The following ARHGAP28 variants were observed in gnomAD, a reference collection of about 807,000 sequenced individuals.
ARHGAP28 encodes Rho GTPase activating protein 28.
ARHGAP28 carries 56 observed loss-of-function variants against 90.7 expected under a neutral mutation model. The observed-to-expected ratio is 0.62, with a 90% CI of 0.50 to 0.77. The LOEUF (loss-of-function observed/expected upper bound fraction) is 0.77, where lower values mean the gene tolerates loss of function less well. Among genes scored for constraint, ARHGAP28 ranks in the 30% least tolerant of loss-of-function variants. The pLI is 0.00. For missense variants in ARHGAP28, 869 were observed against 900.9 expected, an observed-to-expected ratio of 0.96 and a Z score of 0.45; for synonymous variants, 308 against 323.3, an observed-to-expected ratio of 0.95 and a Z score of 0.51.
intron 11 of ARHGAP28, among the ~76,000 whole-genome samples, chr18:6,884,064 A>G (rs912822798): frequency 2.0e-5 from 3 of 152,110 alleles, no homozygotes; most frequent in Non-Finnish European, 4.4e-5. Flanking sequence ...GAGCACAGGT[A>G]CAATAGCTGC....
intron 14 of ARHGAP28, among the ~76,000 whole-genome samples, chr18:6,892,923 C>T (rs2057277447): frequency 6.6e-6 from 1 of 152,204 alleles, no homozygotes; most frequent in South Asian, 2.1e-4. Flanking sequence ...TTGCACAGAA[C>T]CTGAGGATCA....
chr18:6,814,949 T>C (rs1046384508), intron 1 of ARHGAP28, among the ~76,000 whole-genome samples: 57 of 152,280 alleles, frequency 3.7e-4, no homozygotes, highest in African/African-American at 1.3e-3. Context: ...TTTGCTCATA[T>C]TCTCTTTCAT....
At chr18:6,887,354 C>T (rs2057230108) in intron 12 of ARHGAP28, 115 bp downstream of exon 12, 1 of 857,438 alleles carries the variant, frequency 1.2e-6, no homozygotes, top group African/African-American at 1.7e-5. Flanking sequence ...GAGCATGCTG[C>T]AAACACACGG....
At chr18:6,890,328 G>A in intron 13 of ARHGAP28, 102 bp from the exon 14 acceptor site, 1 of 791,720 alleles carries the variant, frequency 1.3e-6, no homozygotes, top group Middle Eastern at 2.4e-4. Flanking sequence ...CTGGCTCCAG[G>A]ATACCGAGTG....
intron 1 of ARHGAP28, among the ~76,000 whole-genome samples, chr18:6,758,736 C>T (rs1184953134): frequency 6.6e-6 from 1 of 152,170 alleles, no homozygotes. Flanking sequence ...TGTAGGTAGA[C>T]AGACCTGAAA....
At chr18:6,849,252 CAA>C (rs35080791) in intron 3 of ARHGAP28, among the ~76,000 whole-genome samples, 18,033 of 88,480 alleles carry the variant, frequency 0.2, 2,163 homozygotes, top group East Asian at 0.57. Context: ...GACCTTGTCT[CAA>C]AAAAAAAAAA....
chr18:6,847,630 G>GTTGT (rs113144982), intron 3 of ARHGAP28, among the ~76,000 whole-genome samples: 5 of 150,298 alleles, frequency 3.3e-5, no homozygotes, highest in African/African-American at 4.9e-5. Flanking sequence ...AGAGAGTGGG[G>GTTGT]GTGTGTGTGT....
intron 1 of ARHGAP28, among the ~76,000 whole-genome samples, chr18:6,775,675 G>A (rs1008506952): frequency 4.6e-5 from 7 of 152,046 alleles, no homozygotes; most frequent in Admixed American, 3.3e-4. Flanking sequence ...TTACTAAATA[G>A]GGAGACTTTC....
chr18:6,730,221 G>GTGTATATATATATATATATATATA (rs146889070), intron 1 of ARHGAP28: 4 of 172,250 alleles, frequency 2.3e-5, no homozygotes, highest in African/African-American at 5.8e-5. Flanking sequence ...TAAGTCATGT[G>GTGTATATATATATATATATATATA]TATATATATA....
chr18:6,731,641 G>A (rs1244466984), intron 1 of ARHGAP28, among the ~76,000 whole-genome samples: 1 of 152,148 alleles, frequency 6.6e-6, no homozygotes, highest in African/African-American at 2.4e-5. Flanking sequence ...TGGTACCATT[G>A]TTCCTCTGCT....
chr18:6,903,884 A>C (rs2057351172), intron 16 of ARHGAP28, among the ~76,000 whole-genome samples: 1 of 151,850 alleles, frequency 6.6e-6, no homozygotes, highest in South Asian at 2.1e-4. Flanking sequence ...GCCATAAAAC[A>C]AACCTCAACA....
intron 7 of ARHGAP28, 62 bp downstream of exon 7, chr18:6,870,794 G>A (rs2057077915): frequency 6.7e-7 from 1 of 1,489,458 alleles, no homozygotes; most frequent in South Asian, 1.3e-5. Flanking sequence ...ACAAAACTAA[G>A]ATTTCTTTTT....
chr18:6,824,511 T>C (rs1470781678), intron 1 of ARHGAP28, among the ~76,000 whole-genome samples: 1 of 152,086 alleles, frequency 6.6e-6, no homozygotes, highest in Non-Finnish European at 1.5e-5. Context: ...TACTCCAGCC[T>C]GGGCAACAGA....
At chr18:6,808,622 A>G (rs1045724031) in intron 1 of ARHGAP28, among the ~76,000 whole-genome samples, 3 of 152,106 alleles carry the variant, frequency 2.0e-5, no homozygotes, top group African/African-American at 7.2e-5. Flanking sequence ...CTCTAGCTAG[A>G]GCAAATTTAG....
chr18:6,823,210 C>T (rs2056637631), intron 1 of ARHGAP28, among the ~76,000 whole-genome samples: 1 of 152,108 alleles, frequency 6.6e-6, no homozygotes, highest in South Asian at 2.1e-4. Flanking sequence ...CTCCTCATTC[C>T]TCCCTGCCCC....
At chr18:6,893,884 T>TC (rs397700309) in intron 14 of ARHGAP28, among the ~76,000 whole-genome samples, 3 of 150,372 alleles carry the variant, frequency 2.0e-5, no homozygotes, top group African/African-American at 7.3e-5. Context: ...TTTTTTTTTT[T>TC]GAGATAGAGT....
chr18:6,869,757 G>A (rs953677800), intron 6 of ARHGAP28, among the ~76,000 whole-genome samples: 1 of 152,140 alleles, frequency 6.6e-6, no homozygotes, highest in African/African-American at 2.4e-5. Context: ...AGTGCCTACA[G>A]CAGAGGGCAA....
At chr18:6,893,997 G>T (rs1280358479) in intron 14 of ARHGAP28, among the ~76,000 whole-genome samples, 1 of 151,234 alleles carries the variant, frequency 6.6e-6, no homozygotes, top group Non-Finnish European at 1.5e-5. Context: ...CTCCCGAGTA[G>T]TTGGGACTAC....
At chr18:6,831,488 C>CTTTTTTTTTTTTTTTTTTT (rs76200243) in intron 2 of ARHGAP28, among the ~76,000 whole-genome samples, 1 of 69,620 alleles carries the variant, frequency 1.4e-5, no homozygotes, top group Non-Finnish European at 3.1e-5. Flanking sequence ...TTTTTTTTTT[C>CTTTTTTTTTTTTTTTTTTT]TTTTTTTTTT....
Sources: gnomAD v4.1 joint callset for allele counts (sites outside exome capture counted in the v4.1 genomes callset) on GRCh38, gnomAD v4.1.1 for gene constraint, MANE v1.5 for transcripts, NCBI Gene and HGNC (gene_info 2026-07-23, HGNC 2026-07-21) for gene names.